Variants in CSPP1 observed in about 807,000 individuals in gnomAD.
CSPP1 encodes centrosome and spindle pole-associated protein 1.
Under a neutral mutation model 164.4 loss-of-function variants are expected in CSPP1, and 126 were observed. The ratio of observed to expected loss-of-function variants is 0.77; its 90% CI spans 0.66 to 0.89. The LOEUF (loss-of-function observed/expected upper bound fraction) is 0.89. Ranked by LOEUF, CSPP1 falls within the 40% of genes least tolerant of loss-of-function variation. CSPP1 has a pLI of 0.00. For missense variants in CSPP1, 1,395 were observed against 1,449.8 expected (o/e 0.96, Z 0.61); for synonymous variants, 472 against 476.7 (o/e 0.99, Z 0.13).
intron 1 of CSPP1, among the ~76,000 whole-genome samples, chr8:67,068,083 A>G (rs908924665): frequency 6.6e-6 from 1 of 152,186 alleles, no homozygotes; most frequent in African/African-American, 2.4e-5. Context: ...TCCTAACCTC[A>G]GGTGATCCAC....
At chr8:67,066,076 C>T (rs573933115) in intron 1 of CSPP1, among the ~76,000 whole-genome samples, 14 of 152,242 alleles carry the variant, frequency 9.2e-5, no homozygotes. Context: ...TTTGGCATAA[C>T]CCAAAGGCTA....
At chr8:67,148,638 T>A (rs1472262597) in intron 17 of CSPP1, among the ~76,000 whole-genome samples, 3 of 152,352 alleles carry the variant, frequency 2.0e-5, no homozygotes, top group East Asian at 1.9e-4. Flanking sequence ...GAATTCTAAT[T>A]GTGATTCATG....
intron 30 of CSPP1, 127 bp downstream of exon 30, chr8:67,193,729 C>T: frequency 1.4e-6 from 1 of 709,808 alleles, no homozygotes; most frequent in Non-Finnish European, 2.2e-6. Context: ...GTTGTATGGC[C>T]CAAGACATAG....
In CSPP1 at chr8:67,108,509, G is replaced by A. The variant is rs184571406; in HGVS notation, c.1093+2534G>A. Among the ~76,000 whole-genome samples, 285 of 152,130 alleles carry A rather than the reference G, an allele frequency of 1.9e-3. 4 individuals carry two copies. Among genetic ancestry groups the A allele is most frequent in the African/African-American group, 6.6e-3 (274 of 41,514 alleles). On this transcript the variant is annotated intron_variant, in intron 9 of 30. Coordinates refer to ENST00000678616, the MANE Select transcript of CSPP1 (RefSeq NM_001382391.1). ...TATTGATTGCTTAGAGAGAAGTGTT[G>A]AATTCTCTATCTTGTCCTTCGTGTG... is the stretch of plus-strand genomic sequence containing the variant.
At chr8:67,174,623 G>T (rs1831171556) in intron 25 of CSPP1, 1 of 152,202 alleles carries the variant, frequency 6.6e-6, no homozygotes, top group African/African-American at 2.4e-5. Context: ...AAATTAGCCG[G>T]GCATAGTGGT....
intron 26 of CSPP1, among the ~76,000 whole-genome samples, chr8:67,176,646 C>T (rs1370722267): frequency 6.6e-6 from 1 of 152,226 alleles, no homozygotes; most frequent in African/African-American, 2.4e-5. Flanking sequence ...GGGATTTTGG[C>T]AGCTTAGACT....
chr8:67,098,095 T>A (rs948170790), intron 7 of CSPP1, among the ~76,000 whole-genome samples: 7 of 151,052 alleles, frequency 4.6e-5, no homozygotes, highest in Admixed American at 3.3e-4. Flanking sequence ...ATAAATAGAC[T>A]GGTTTAGGAG....
chr8:67,080,110 A>G (rs930987051), intron 3 of CSPP1, among the ~76,000 whole-genome samples: 1 of 152,226 alleles, frequency 6.6e-6, no homozygotes, highest in African/African-American at 2.4e-5. Flanking sequence ...AGTCAAATAC[A>G]TAGTTTCTCA....
Position 67,112,010 on chromosome 8 carries a change from A to G in CSPP1, c.1132A>G (p.Lys378Glu). 6.2e-7 allele frequency: 1 copy of G among 1,612,374 alleles called. No individual in the cohort carries two copies. The highest frequency in any genetic ancestry group is 8.5e-7 in the Non-Finnish European group (1 of 1,179,044). Residue 378 changes from lysine (K) to glutamate (E), a missense_variant, in exon 10 of 31, where the codon AAA becomes GAA. Coordinates refer to ENST00000678616, the MANE Select transcript of CSPP1 (RefSeq NM_001382391.1). Reference protein sequence around the residue: ...DRELIQRRKEKYRLELLEQMA... With the variant: ...DRELIQRRKEEYRLELLEQMA... ...AGAACTTATTCAGAGAAGGAAAGAGAAATACAGACTAGAACTGTTGGAACA... is the reference window on the plus strand; with the variant it reads ...AGAACTTATTCAGAGAAGGAAAGAGGAATACAGACTAGAACTGTTGGAACA...
chr8:67,195,348 G>A (rs780395454), intron 30 of CSPP1, 34 bp from the exon 31 acceptor site: 6 of 1,461,928 alleles, frequency 4.1e-6, no homozygotes, highest in Non-Finnish European at 5.8e-6. Flanking sequence ...TGCCACCTGT[G>A]TTACCTGAGC....
At position 67,195,706 on chromosome 8, in the gene CSPP1, A is replaced by G. The variant is rs1837803792; in HGVS notation, c.*113A>G. The G allele has an allele frequency of 4.1e-6, 3 of 740,390 alleles. No individual in the cohort carries two copies. In the East Asian group the frequency reaches 8.1e-5, roughly 20 times the overall value. The allele number at this position is 740,390 out of a possible 1,614,324, so 45.9% of individuals were successfully genotyped here. The stretch of plus-strand genomic sequence containing the variant: ...ACCTGAAAGTTACTTTTTTTCCATC[A>G]TCTGTATATAAAATTATTTTTATCA... On this transcript the variant is annotated 3_prime_UTR_variant, in exon 31 of 31. Coordinates refer to ENST00000678616, the MANE Select transcript of CSPP1 (RefSeq NM_001382391.1).
chr8:67,129,697 CTGATA>C (rs1041120034), intron 15 of CSPP1, among the ~76,000 whole-genome samples: 8 of 152,198 alleles, frequency 5.3e-5, no homozygotes, highest in East Asian at 3.9e-4. Context: ...TAATGAACTA[CTGATA>C]TGATATAATA....
rs1817495338 is a variant in CSPP1 at position 67,114,333 on chromosome 8, A to G, written c.1250A>G (p.Asn417Ser). 1.3e-5 allele frequency: 2 copies of G among 152,748 alleles called. No individual in the cohort carries two copies. The highest frequency in any genetic ancestry group is 2.4e-5 in the African/African-American group (1 of 41,438). The allele number at this position is 152,748 out of a possible 1,614,324, so 9.5% of individuals were successfully genotyped here. The change falls in exon 12 of 31, where the codon AAT becomes AGT. Residue 417 changes from asparagine (N) to serine (S), a missense_variant. Physicochemically the swap from Asn to Ser is conservative, Grantham distance 46. Coordinates refer to ENST00000678616, the MANE Select transcript of CSPP1 (RefSeq NM_001382391.1). ...SGAQDPEKSW[N>S]ELLTSLQLSK... ...TTTGCAATTCTCATCATTAAGTGGAATGAATTACTCACATCATTGCAGTTA... is the reference window on the plus strand; with the variant it reads ...TTTGCAATTCTCATCATTAAGTGGAGTGAATTACTCACATCATTGCAGTTA...
intron 4 of CSPP1, among the ~76,000 whole-genome samples, chr8:67,088,058 T>C (rs1266730554): frequency 6.6e-6 from 1 of 152,178 alleles, no homozygotes; most frequent in Non-Finnish European, 1.5e-5. Flanking sequence ...CCAGCCTGAC[T>C]CCCTGGGCTT....
Position 67,074,362 on chromosome 8 carries a change from T to A in CSPP1, c.99+11T>A, listed in dbSNP as rs921648634. 6.6e-7 allele frequency: 1 copy of A among 1,506,328 alleles called. No individual in the cohort carries two copies. The highest frequency in any genetic ancestry group is 1.4e-5 in the African/African-American group (1 of 71,854). 93.3% of individuals were successfully genotyped at this position (1,506,328 alleles called of 1,614,324 possible). On this transcript the variant is annotated intron_variant, in intron 2 of 30. Coordinates refer to ENST00000678616, the MANE Select transcript of CSPP1 (RefSeq NM_001382391.1). The stretch of plus-strand genomic sequence containing the variant: ...TACATGGAAATGAAGGTAAATTTAA[T>A]AATTTTCTTTGAACATGTTTTATTA...
intron 6 of CSPP1, among the ~76,000 whole-genome samples, chr8:67,095,053 G>T (rs1812461241): frequency 1.3e-5 from 2 of 152,116 alleles, no homozygotes. Context: ...TTGCATGGCT[G>T]TATCAGCTTG....
intron 30 of CSPP1, among the ~76,000 whole-genome samples, chr8:67,194,174 C>G (rs1837221542): frequency 6.6e-6 from 1 of 152,204 alleles, no homozygotes; most frequent in Non-Finnish European, 1.5e-5. Flanking sequence ...CAGCCCTACA[C>G]CACCCTTTTC....
chr8:67,193,362 G>A, intron 29 of CSPP1, 102 bp from the exon 30 acceptor site: 1 of 1,014,036 alleles, frequency 9.9e-7, no homozygotes, highest in Non-Finnish European at 1.5e-6. Flanking sequence ...TTCCCAAAGT[G>A]CTGGGATCAC....
chr8:67,090,995 A>G (rs1425800376), intron 4 of CSPP1, among the ~76,000 whole-genome samples: 3 of 152,198 alleles, frequency 2.0e-5, no homozygotes, highest in African/African-American at 4.8e-5. Context: ...GTTGGAGATC[A>G]TATGTATTTT....
Sources: allele counts gnomAD v4.1 joint callset (sites outside exome capture counted in the v4.1 genomes callset), GRCh38; gene constraint gnomAD v4.1.1; transcripts MANE v1.5; gene names NCBI Gene and HGNC (gene_info 2026-07-23, HGNC 2026-07-21).